The following ITPR1 variants were observed in gnomAD, a reference collection of about 807,000 sequenced individuals.
ITPR1 encodes the protein inositol 1,4,5-trisphosphate-gated calcium channel ITPR1.
A neutral mutation model predicts 318.4 loss-of-function variants in ITPR1; 96 were observed. That is an observed-to-expected ratio of 0.30 (90% CI 0.26 to 0.36). The LOEUF (loss-of-function observed/expected upper bound fraction) is 0.36, where lower values mean the gene tolerates loss of function less well. ITPR1 is among the 10% of genes least tolerant of loss of function. The pLI, the probability that ITPR1 is intolerant of heterozygous loss-of-function variation, is 1.00. For missense variants in ITPR1, 2,440 were observed against 3,460.2 expected, an observed-to-expected ratio of 0.71 and a Z score of 7.40; for synonymous variants, 1,312 against 1,289.9, an observed-to-expected ratio of 1.02 and a Z score of -0.37.
intron 4 of ITPR1, among the ~76,000 whole-genome samples, chr3:4,594,414 G>A (rs1559504665): frequency 6.6e-6 from 1 of 151,980 alleles, no homozygotes; most frequent in Non-Finnish European, 1.5e-5. Flanking sequence ...TGAATCACTT[G>A]TTCCAGGGTC....
At chr3:4,528,136 C>G (rs1324659235) in intron 4 of ITPR1, among the ~76,000 whole-genome samples, 1 of 152,200 alleles carries the variant, frequency 6.6e-6, no homozygotes, top group Non-Finnish European at 1.5e-5. Flanking sequence ...CTGCCATGAA[C>G]TGCTCCAATA....
chr3:4,764,411 T>A (rs1205289035), intron 44 of ITPR1, among the ~76,000 whole-genome samples: 1 of 152,226 alleles, frequency 6.6e-6, no homozygotes, highest in Non-Finnish European at 1.5e-5. Context: ...ATGGAGTGCC[T>A]TCTATTTGCT....
intron 3 of ITPR1, among the ~76,000 whole-genome samples, chr3:4,519,610 A>G (rs1389903476): frequency 1.3e-5 from 2 of 152,128 alleles, no homozygotes; most frequent in Non-Finnish European, 2.9e-5. Context: ...GGGCATTACT[A>G]TACTTACAGG....
At chr3:4,649,951 AC>A (rs1357516118) in intron 10 of ITPR1, among the ~76,000 whole-genome samples, 1 of 152,106 alleles carries the variant, frequency 6.6e-6, no homozygotes, top group Non-Finnish European at 1.5e-5. Context: ...TAATACTATA[AC>A]CTTATGGGGT....
Position 4,768,614 on chromosome 3 carries a change from T to C in ITPR1, c.5829T>C (p.Asp1943=). 3.1e-6 allele frequency: 5 copies of C among 1,613,986 alleles called. No individual in the cohort carries two copies. Among genetic ancestry groups the C allele is most frequent in the Non-Finnish European group, 4.2e-6 (5 of 1,179,896 alleles). ...TCACCACTTTCAGGAGGGAGGCTGA[T>C]CCCGACGACCACTACCAGCCTGGAG... is the stretch of plus-strand genomic sequence containing the variant. ...KAFTTFRREA[D]PDDHYQPGEG... is the part of the protein sequence containing the mutation. Residue 1943 remains aspartate (D), a synonymous_variant, in exon 46 of 62, where the codon GAT becomes GAC. Transcript: ENST00000649015.
At chr3:4,626,841 C>G (rs771397298) in intron 4 of ITPR1, among the ~76,000 whole-genome samples, 4 of 152,130 alleles carry the variant, frequency 2.6e-5, no homozygotes, top group African/African-American at 7.2e-5. Context: ...ATTTTTGAGA[C>G]AGAATCTTGT....
chr3:4,544,776 G>A (rs563495427), intron 4 of ITPR1, among the ~76,000 whole-genome samples: 2 of 152,276 alleles, frequency 1.3e-5, no homozygotes, highest in South Asian at 4.1e-4. Flanking sequence ...CTTGCCCATA[G>A]CTTTGCTTTC....
At chr3:4,547,526 C>T (rs1047895846) in intron 4 of ITPR1, among the ~76,000 whole-genome samples, 2 of 152,084 alleles carry the variant, frequency 1.3e-5, no homozygotes, top group Non-Finnish European at 2.9e-5. Flanking sequence ...GCACATAGGG[C>T]GGTAGGGTGG....
At chr3:4,562,059 G>A (rs2086728914) in intron 4 of ITPR1, among the ~76,000 whole-genome samples, 1 of 150,604 alleles carries the variant, frequency 6.6e-6, no homozygotes, top group Non-Finnish European at 1.5e-5. Flanking sequence ...AGGCCACACA[G>A]AAAATACACT....
At chr3:4,802,535 G>A (rs2048297298) in intron 54 of ITPR1, among the ~76,000 whole-genome samples, 1 of 152,022 alleles carries the variant, frequency 6.6e-6, no homozygotes, top group South Asian at 2.1e-4. Flanking sequence ...AAATGGGAAG[G>A]AAACAGGCTG....
intron 2 of ITPR1, among the ~76,000 whole-genome samples, chr3:4,500,508 G>A (rs766526812): frequency 2.6e-5 from 4 of 151,322 alleles, no homozygotes; most frequent in Non-Finnish European, 5.9e-5. Context: ...TGGCCAAAAT[G>A]GTATTTAGAG....
intron 4 of ITPR1, among the ~76,000 whole-genome samples, chr3:4,616,902 GA>G (rs2092410730): frequency 6.6e-6 from 1 of 152,034 alleles, no homozygotes; most frequent in Non-Finnish European, 1.5e-5. Context: ...CATTATCACT[GA>G]AGACATGTGA....
chr3:4,681,928 A>G (rs1166728651), intron 26 of ITPR1, among the ~76,000 whole-genome samples: 1 of 152,100 alleles, frequency 6.6e-6, no homozygotes, highest in Admixed American at 6.5e-5. Flanking sequence ...AAAAAACCGC[A>G]CTGGTCAATT....
In ITPR1 at chr3:4,673,173, C is replaced by T. The variant is rs1350316260; in HGVS notation, c.2242C>T (p.Arg748Cys). 2 of 1,613,858 alleles carry T rather than the reference C, an allele frequency of 1.2e-6. No homozygotes were observed. The highest frequency in any genetic ancestry group is 1.7e-5 in the Admixed American group (1 of 60,010). ...CCTCTTTGCGAGGATGTGTCTGGAC[C>T]GCCAATACCTGGCCATCAACGAAAT... ...LNLFARMCLD[R>C]QYLAINEISG... The change falls in exon 21 of 62, where the codon CGC becomes TGC. Residue 748 changes from arginine (R) to cysteine (C), a missense_variant. Arg to Cys is a radical substitution (Grantham distance 180). This residue lies in a region of ITPR1 where 478 missense variants were observed against 696.3 expected (regional missense o/e 0.69). Transcript: ENST00000649015.
chr3:4,781,241 G>A (rs946273641), intron 49 of ITPR1, among the ~76,000 whole-genome samples: 16 of 152,186 alleles, frequency 1.1e-4, no homozygotes, highest in Non-Finnish European at 1.5e-5. Flanking sequence ...ATAATTCATG[G>A]GAATGGCCTC....
rs962848403 is a variant in ITPR1, at chr3:4,675,143, C to A, written c.2674C>A (p.Leu892Ile). ...TGACCTTCTACGATTAACTAAGATC[C>A]TTCTGGCCATATTGGACTGTGTACA... The part of the protein sequence containing the change: ...FSDLLRLTKI[L>I]LAILDCVHVT... The change falls in exon 23 of 62, where the codon CTT becomes ATT. Residue 892 changes from leucine to isoleucine, a missense_variant. By Grantham distance (5) the Leu-to-Ile change is conservative (BLOSUM62 2). Around this residue, in one of 23 missense-constraint regions of ITPR1, gnomAD observed 478 missense variants for 696.3 expected, o/e 0.69. Coordinates refer to ENST00000649015, the MANE Select transcript of ITPR1 (RefSeq NM_001378452.1). 1 of 1,609,452 alleles carries A rather than the reference C, an allele frequency of 6.2e-7. No individual in the cohort carries two copies. The highest frequency in any genetic ancestry group is 1.7e-5 in the Admixed American group (1 of 59,914).
At chr3:4,586,826 C>T (rs2089954734) in intron 4 of ITPR1, among the ~76,000 whole-genome samples, 1 of 151,770 alleles carries the variant, frequency 6.6e-6, no homozygotes. Context: ...CTGTTTCTTG[C>T]ATGAGGCCAG....
intron 4 of ITPR1, among the ~76,000 whole-genome samples, chr3:4,578,653 G>A (rs182362695): frequency 1.3e-5 from 2 of 152,250 alleles, no homozygotes; most frequent in Admixed American, 1.3e-4. Flanking sequence ...ATAGAGCCAC[G>A]TGCTAAGTGC....
At chr3:4,574,812 G>A (rs2088449719) in intron 4 of ITPR1, among the ~76,000 whole-genome samples, 1 of 152,212 alleles carries the variant, frequency 6.6e-6, no homozygotes, top group Non-Finnish European at 1.5e-5. Flanking sequence ...CTCATGGCCT[G>A]GAGAAGTCTA....
Sources: allele counts gnomAD v4.1 joint callset (sites outside exome capture counted in the v4.1 genomes callset), GRCh38; gene constraint gnomAD v4.1.1; regional missense constraint gnomAD v4.1.1; transcripts MANE v1.5; gene names NCBI Gene and HGNC (gene_info 2026-07-23, HGNC 2026-07-21).